CNTN5: variants seen among roughly 807,000 people sequenced by gnomAD.
CNTN5 encodes the protein contactin 5, also known as contactin-5.
A neutral mutation model predicts 129.1 loss-of-function variants in CNTN5; 77 were observed. The ratio of observed to expected loss-of-function variants is 0.60; its 90% CI spans 0.50 to 0.72. The LOEUF (loss-of-function observed/expected upper bound fraction) is 0.72. CNTN5 is among the 30% of genes least tolerant of loss of function. The probability of loss-of-function intolerance (pLI) is 0.00; values close to 1 mark genes in which losing one functional copy is unlikely to be tolerated. For synonymous variants in CNTN5, 509 were observed against 465.6 expected (o/e 1.09, Z -1.20); for missense variants, 1,478 against 1,328.8 (o/e 1.11, Z -1.75).
intron 2 of CNTN5, among the ~76,000 whole-genome samples, chr11:99,468,281 A>G (rs1334160785): frequency 2.6e-5 from 4 of 152,176 alleles, no homozygotes; most frequent in Non-Finnish European, 5.9e-5. Flanking sequence ...CTCATGTAGG[A>G]TCATCTTCTG....
At chr11:99,988,126 G>T (rs541299231) in intron 8 of CNTN5, among the ~76,000 whole-genome samples, 2 of 152,286 alleles carry the variant, frequency 1.3e-5, no homozygotes, top group East Asian at 3.9e-4. Context: ...TTTGTAAAAT[G>T]AAATATGTTG....
At chr11:100,289,037 C>T (rs1404638601) in intron 18 of CNTN5, among the ~76,000 whole-genome samples, 4 of 152,148 alleles carry the variant, frequency 2.6e-5, no homozygotes, top group Non-Finnish European at 5.9e-5. Context: ...TCGAAACATA[C>T]ACTCTCCAAA....
chr11:99,377,747 G>A (rs1269319871), intron 2 of CNTN5, among the ~76,000 whole-genome samples: 1 of 151,492 alleles, frequency 6.6e-6, no homozygotes, highest in Admixed American at 6.6e-5. Flanking sequence ...TGGTTCTTCT[G>A]AAAGGCACTG....
In CNTN5 at chr11:99,840,642, A is replaced by G. The variant is rs183700263; in HGVS notation, c.278-4210A>G. Reference sequence around the variant, plus strand: ...AATAAGAGATCTGATAGAGGAAAAAAACACAGAAAACCATTGCTTTTATGA... The same window carrying G: ...AATAAGAGATCTGATAGAGGAAAAAGACACAGAAAACCATTGCTTTTATGA... On this transcript the variant is annotated intron_variant, in intron 4 of 24. Coordinates refer to ENST00000524871, the MANE Select transcript of CNTN5 (RefSeq NM_014361.4). Among the ~76,000 whole-genome samples, 535 of 152,188 alleles carry G rather than the reference A, an allele frequency of 3.5e-3. 1 individual carries two copies. The highest frequency in any genetic ancestry group is 6.8e-3 in the Middle Eastern group (2 of 294).
intron 3 of CNTN5, among the ~76,000 whole-genome samples, chr11:99,770,779 T>G (rs991935775): frequency 6.6e-6 from 1 of 151,998 alleles, no homozygotes; most frequent in African/African-American, 2.4e-5. Context: ...AAAATTTCAA[T>G]GGATTTTTTA....
At chr11:99,442,916 G>A (rs1408524765) in intron 2 of CNTN5, among the ~76,000 whole-genome samples, 2 of 152,154 alleles carry the variant, frequency 1.3e-5, no homozygotes, top group African/African-American at 2.4e-5. Context: ...CCATGTGGAT[G>A]GCACTGTGAT....
intron 1 of CNTN5, among the ~76,000 whole-genome samples, chr11:99,232,918 A>G (rs1000432816): frequency 1.3e-5 from 2 of 152,236 alleles, no homozygotes; most frequent in Non-Finnish European, 2.9e-5. Context: ...AAGGGAATAA[A>G]GAATATGTTA....
At chr11:99,623,099 T>G (rs1463952973) in intron 3 of CNTN5, among the ~76,000 whole-genome samples, 1 of 152,174 alleles carries the variant, frequency 6.6e-6, no homozygotes, top group Non-Finnish European at 1.5e-5. Flanking sequence ...TAACCTCTGT[T>G]TCATGAAGGT....
intron 13 of CNTN5, among the ~76,000 whole-genome samples, chr11:100,187,156 T>TTG: frequency 6.6e-6 from 1 of 151,818 alleles, no homozygotes; most frequent in Non-Finnish European, 1.5e-5. Context: ...TTTTTGCAGC[T>TTG]ATTGTAAATG....
chr11:99,646,328 T>G (rs530583307), intron 3 of CNTN5, among the ~76,000 whole-genome samples: 2 of 152,352 alleles, frequency 1.3e-5, no homozygotes, highest in South Asian at 4.1e-4. Flanking sequence ...TCAACTTGTT[T>G]TCCCTTTTTT....
chr11:100,348,420 G>GAC (rs1952333882), intron 23 of CNTN5, among the ~76,000 whole-genome samples: 1 of 151,928 alleles, frequency 6.6e-6, no homozygotes, highest in Non-Finnish European at 1.5e-5. Flanking sequence ...AACTCGTTTT[G>GAC]ACACCACTAA....
chr11:100,019,291 C>T (rs12289951), intron 9 of CNTN5, among the ~76,000 whole-genome samples: 1,705 of 151,992 alleles, frequency 0.011, 33 homozygotes, highest in African/African-American at 0.039. Context: ...CCATTTAAGT[C>T]TCTGCTGTAT....
At chr11:99,976,019 A>G (rs754416165) in intron 8 of CNTN5, among the ~76,000 whole-genome samples, 2 of 152,244 alleles carry the variant, frequency 1.3e-5, no homozygotes, top group Non-Finnish European at 2.9e-5. Flanking sequence ...CAATGTGGGT[A>G]TAGGCACTGG....
chr11:99,213,381 C>CATATATACACGTGTATATATATATAT (rs1859930179), intron 1 of CNTN5, among the ~76,000 whole-genome samples: 1 of 132,454 alleles, frequency 7.5e-6, no homozygotes, highest in Non-Finnish European at 1.5e-5. Context: ...TATGTATATA[C>CATATATACACGTGTATATATATATAT]ATATATACAC....
At chr11:100,002,776 T>C (rs372602750) in intron 9 of CNTN5, among the ~76,000 whole-genome samples, 1 of 152,142 alleles carries the variant, frequency 6.6e-6, no homozygotes, top group East Asian at 1.9e-4. Context: ...GGTATTGAGA[T>C]CAGAGGCAGA....
chr11:99,147,797 A>G (rs1273087167), intron 1 of CNTN5, among the ~76,000 whole-genome samples: 1 of 152,204 alleles, frequency 6.6e-6, no homozygotes, highest in African/African-American at 2.4e-5. Context: ...TAAAAACTAC[A>G]GAGACCTATT....
In CNTN5 at chr11:99,819,522, T is replaced by G. The variant is rs755046611; in HGVS notation, c.56-22T>G. On this transcript the variant is annotated intron_variant, in intron 3 of 24. Transcript: ENST00000524871. ...ACTAGTTTCCTCAAAATTCAGATTT[T>G]ATTATATTTTTTCTCTTACAGAGTA... The G allele has an allele frequency of 1.9e-6, 3 of 1,571,628 alleles. No homozygotes were observed. The South Asian group carries it at 3.4e-5, about 18-fold the overall frequency.
intron 4 of CNTN5, among the ~76,000 whole-genome samples, chr11:99,825,068 G>A (rs1011623030): frequency 1.1e-4 from 16 of 151,918 alleles, no homozygotes; most frequent in African/African-American, 2.9e-4. Flanking sequence ...CTCATATGGC[G>A]TTGTCTAATA....
At chr11:99,084,516 T>G (rs2135294137) in intron 1 of CNTN5, among the ~76,000 whole-genome samples, 1 of 152,356 alleles carries the variant, frequency 6.6e-6, no homozygotes, top group South Asian at 2.1e-4. Context: ...AGTGTACTGT[T>G]AAATACTTTT....
Sources: allele counts gnomAD v4.1 joint callset (sites outside exome capture counted in the v4.1 genomes callset), GRCh38; gene constraint gnomAD v4.1.1; transcripts MANE v1.5; gene names NCBI Gene and HGNC (gene_info 2026-07-23, HGNC 2026-07-21).